Variants in MED27 observed in about 807,000 individuals in gnomAD.
MED27 encodes mediator of RNA polymerase II transcription subunit 27.
MED27 carries 30 observed loss-of-function variants against 38.2 expected under a neutral mutation model. That is an observed-to-expected ratio of 0.79 (90% CI 0.59 to 1.07). The LOEUF (loss-of-function observed/expected upper bound fraction) is 1.07, where lower values mean the gene tolerates loss of function less well. Among genes scored for constraint, MED27 ranks in the 50% least tolerant of loss-of-function variants. The probability of loss-of-function intolerance (pLI) is 0.00; values close to 1 mark genes in which losing one functional copy is unlikely to be tolerated. For synonymous variants in MED27, 122 were observed against 153.5 expected, an observed-to-expected ratio of 0.79 and a Z score of 1.52; for missense variants, 289 against 397.5, an observed-to-expected ratio of 0.73 and a Z score of 2.32.
At chr9:132,027,315 T>C (rs1304436789) in intron 2 of MED27, among the ~76,000 whole-genome samples, 2 of 152,228 alleles carry the variant, frequency 1.3e-5, no homozygotes, top group African/African-American at 2.4e-5. Context: ...GAGACCAGAA[T>C]GCAGCCCACC....
rs143467129 is a variant in MED27 at position 131,966,430 on chromosome 9, G to A, written c.480-26956C>T. Among the ~76,000 whole-genome samples the A allele has an allele frequency of 2.0e-3, 261 of 129,710 alleles. 1 individual carries two copies. The highest frequency in any genetic ancestry group is 4.0e-3 in the Admixed American group (49 of 12,232). 85.1% of individuals were successfully genotyped at this position (129,710 alleles called of 152,430 possible). ...AGGAAAGGGAAAAGGAAAAGGAAGT[G>A]TATTTCCACTAATGGTCCCTAAACT... On this transcript the variant is annotated intron_variant, in intron 3 of 7. Transcript: ENST00000292035.
At chr9:131,931,838 G>A (rs538349101) in intron 4 of MED27, among the ~76,000 whole-genome samples, 1 of 152,140 alleles carries the variant, frequency 6.6e-6, no homozygotes. Flanking sequence ...ACCAACAATG[G>A]AACACTTAGA....
chr9:131,968,842 T>C (rs76871129), intron 3 of MED27, among the ~76,000 whole-genome samples: 2 of 152,258 alleles, frequency 1.3e-5, no homozygotes, highest in African/African-American at 4.8e-5. Flanking sequence ...TCGCTCCTTA[T>C]TGCTCACATT....
intron 4 of MED27, 43 bp from the exon 5 acceptor site, chr9:131,894,035 C>T (rs1829779259): frequency 6.6e-7 from 1 of 1,524,182 alleles, no homozygotes. Context: ...ACGCAAATCA[C>T]ACAAAGTTGG....
At chr9:132,055,269 T>A (rs1297796107) in intron 2 of MED27, among the ~76,000 whole-genome samples, 1 of 152,198 alleles carries the variant, frequency 6.6e-6, no homozygotes, top group Admixed American at 6.5e-5. Context: ...GCCCCCAATA[T>A]TTCCTGAAAC....
intron 3 of MED27, among the ~76,000 whole-genome samples, chr9:131,999,939 T>C (rs1761305991): frequency 6.6e-6 from 1 of 152,024 alleles, no homozygotes; most frequent in Non-Finnish European, 1.5e-5. Context: ...ACTAGTGGAA[T>C]GATGAGCAGA....
intron 3 of MED27, among the ~76,000 whole-genome samples, chr9:131,945,409 C>T (rs1028975118): frequency 6.6e-6 from 1 of 152,034 alleles, no homozygotes; most frequent in Admixed American, 6.5e-5. Flanking sequence ...CATACACTGC[C>T]TCACATATTT....
intron 3 of MED27, among the ~76,000 whole-genome samples, chr9:131,977,218 G>A (rs1327809159): frequency 6.6e-6 from 1 of 152,180 alleles, no homozygotes; most frequent in Non-Finnish European, 1.5e-5. Context: ...AGAGCAGAAT[G>A]GTGACCATCA....
chr9:132,073,836 C>T, intron 2 of MED27: 1 of 1,397,130 alleles, frequency 7.2e-7, no homozygotes, highest in Non-Finnish European at 9.2e-7. Flanking sequence ...AAAAGTGACA[C>T]TTCTGGGGTC....
intron 2 of MED27, among the ~76,000 whole-genome samples, chr9:132,060,993 A>G (rs568190781): frequency 3.3e-5 from 5 of 152,300 alleles, no homozygotes; most frequent in African/African-American, 1.2e-4. Context: ...TTCAGAGGAC[A>G]GTGTCTACAA....
At chr9:131,984,997 T>C (rs1293593603) in intron 3 of MED27, among the ~76,000 whole-genome samples, 2 of 152,198 alleles carry the variant, frequency 1.3e-5, no homozygotes, top group Non-Finnish European at 1.5e-5. Context: ...ATGTTGTACA[T>C]AGCAGGGTTT....
chr9:131,918,259 T>C (rs1216716859), intron 4 of MED27, among the ~76,000 whole-genome samples: 1 of 152,074 alleles, frequency 6.6e-6, no homozygotes, highest in African/African-American at 2.4e-5. Context: ...CACATTAGCA[T>C]TTTTGAAAAA....
chr9:132,077,735 G>T, intron 1 of MED27, 149 bp from the exon 2 acceptor site: 3 of 732,616 alleles, frequency 4.1e-6, no homozygotes, highest in South Asian at 3.0e-5. Context: ...AAATACTTGG[G>T]ACACTTAAAA....
At chr9:131,962,098 G>A (rs1831228401) in intron 3 of MED27, among the ~76,000 whole-genome samples, 1 of 152,134 alleles carries the variant, frequency 6.6e-6, no homozygotes, top group Admixed American at 6.5e-5. Flanking sequence ...CCTTCTGAAT[G>A]TTTTCTTTCC....
intron 5 of MED27, among the ~76,000 whole-genome samples, chr9:131,893,458 G>C (rs968602445): frequency 6.6e-6 from 1 of 152,146 alleles, no homozygotes; most frequent in Non-Finnish European, 1.5e-5. Flanking sequence ...CACTTCCTAA[G>C]GGCGACTTGT....
intron 2 of MED27, among the ~76,000 whole-genome samples, chr9:132,042,049 T>A (rs986018103): frequency 6.6e-6 from 1 of 152,150 alleles, no homozygotes; most frequent in Non-Finnish European, 1.5e-5. Flanking sequence ...AAGTACGTGA[T>A]CTAGAGATAT....
At chr9:132,011,192 C>T (rs547516001) in intron 3 of MED27, among the ~76,000 whole-genome samples, 1 of 152,140 alleles carries the variant, frequency 6.6e-6, no homozygotes, top group South Asian at 2.1e-4. Flanking sequence ...CTATAATATA[C>T]TCCTTTTTGG....
At chr9:131,895,537 C>T (rs565273211) in intron 4 of MED27, among the ~76,000 whole-genome samples, 21 of 152,328 alleles carry the variant, frequency 1.4e-4, no homozygotes, top group African/African-American at 4.6e-4. Context: ...TATCAGTGAA[C>T]ACCCCCAACG....
chr9:131,886,496 C>T (rs543534931), intron 5 of MED27, among the ~76,000 whole-genome samples: 6 of 152,324 alleles, frequency 3.9e-5, no homozygotes, highest in African/African-American at 1.4e-4. Flanking sequence ...GATCATCCTC[C>T]TTCTACTCTG....
Sources: allele counts gnomAD v4.1 joint callset (sites outside exome capture counted in the v4.1 genomes callset), GRCh38; gene constraint gnomAD v4.1.1; transcripts MANE v1.5; gene names NCBI Gene and HGNC (gene_info 2026-07-23, HGNC 2026-07-21).